SAMD12: variants seen among roughly 807,000 people sequenced by gnomAD.
SAMD12 encodes the protein sterile alpha motif domain containing 12.
A neutral mutation model predicts 15.0 loss-of-function variants in SAMD12; 9 were observed. The observed-to-expected ratio is 0.60, with a 90% CI of 0.36 to 1.05. SAMD12 has a LOEUF of 1.05. Ranked by LOEUF, SAMD12 falls within the 50% of genes least tolerant of loss-of-function variation. The pLI, the probability that SAMD12 is intolerant of heterozygous loss-of-function variation, is 0.01. For missense variants in SAMD12, 230 were observed against 234.2 expected, an observed-to-expected ratio of 0.98 and a Z score of 0.12; for synonymous variants, 86 against 90.1, an observed-to-expected ratio of 0.96 and a Z score of 0.25.
At chr8:118,550,392 G>T (rs1341688913) in intron 2 of SAMD12, among the ~76,000 whole-genome samples, 2 of 152,180 alleles carry the variant, frequency 1.3e-5, no homozygotes, top group African/African-American at 2.4e-5. Context: ...TTAAAGAAAA[G>T]AATTTGCAAC....
chr8:118,283,134 AT>A (rs906286562), intron 4 of SAMD12, among the ~76,000 whole-genome samples: 11 of 150,538 alleles, frequency 7.3e-5, no homozygotes, highest in African/African-American at 2.2e-4. Flanking sequence ...TATTTTTTTA[AT>A]TTTTTTTATT....
At chr8:118,375,425 G>A (rs1042097827), downstream of SAMD12, among the ~76,000 whole-genome samples, 1 of 152,092 alleles carries the variant, frequency 6.6e-6, no homozygotes, top group Non-Finnish European at 1.5e-5. Context: ...AGCCTTAAGT[G>A]GGTAAGTTGT....
downstream of SAMD12, among the ~76,000 whole-genome samples, chr8:118,186,459 T>G (rs1487559679): frequency 6.6e-6 from 1 of 151,950 alleles, no homozygotes. Flanking sequence ...CTATGTTTGT[T>G]AAAACATGAA....
intron 2 of SAMD12, among the ~76,000 whole-genome samples, chr8:118,525,323 C>T (rs1825503920): frequency 6.6e-6 from 1 of 152,172 alleles, no homozygotes; most frequent in Admixed American, 6.5e-5. Context: ...CCCCATACCC[C>T]ACCCCATACA....
At chr8:118,367,224 T>C (rs1269941125) in intron 4 of SAMD12, among the ~76,000 whole-genome samples, 1 of 152,158 alleles carries the variant, frequency 6.6e-6, no homozygotes, top group Non-Finnish European at 1.5e-5. Flanking sequence ...ACAGAAGTCC[T>C]AAAGCACACA....
At position 118,434,819 on chromosome 8, in the gene SAMD12, G is replaced by GCA. The variant is rs1586714122; in HGVS notation, c.322+5012_322+5013insTG. 2.1e-3 allele frequency among the ~76,000 whole-genome samples: 219 copies of GCA among 103,020 alleles called. 7 individuals carry two copies. Among genetic ancestry groups the GCA allele is most frequent in the South Asian group, 3.1e-3 (10 of 3,220 alleles). The allele number at this position is 103,020 out of a possible 152,430, so 67.6% of individuals were successfully genotyped here. ...CTTATTCTTTTTAAAGTGTGCTTCT[G>GCA]GCCGGGCGCGGTGGCTCACGCCTGT... is the stretch of plus-strand genomic sequence containing the variant. On this transcript the variant is annotated intron_variant, in intron 3 of 3. Transcript: ENST00000314727.
the SAMD12 span, among the ~76,000 whole-genome samples, chr8:118,171,681 G>C: frequency 1.3e-5 from 2 of 151,510 alleles, no homozygotes; most frequent in Non-Finnish European, 2.9e-5. Context: ...GGACTGGGAG[G>C]AGAGGAGGCT....
At chr8:118,507,644 A>G (rs75507563) in intron 2 of SAMD12, among the ~76,000 whole-genome samples, 3,586 of 152,272 alleles carry the variant, frequency 0.024, 114 homozygotes, top group African/African-American at 0.076. Context: ...AGACCCCAAA[A>G]CAAGTGAAAA....
At position 118,436,100 on chromosome 8, in the gene SAMD12, T is replaced by TG. The variant is rs1176440472; in HGVS notation, c.322+3731_322+3732insC. 1.1e-4 allele frequency among the ~76,000 whole-genome samples: 17 copies of TG among 152,094 alleles called. No homozygotes were observed. In the East Asian group the frequency reaches 2.1e-3, roughly 19 times the overall value. ...TCAAAGAATTAGATAACCCAAAATG[T>TG]TGTGCTATAGATGACCATGCATAGT... is the stretch of plus-strand genomic sequence containing the variant. On this transcript the variant is annotated intron_variant, in intron 3 of 3. Transcript: ENST00000314727.
intron 2 of SAMD12, among the ~76,000 whole-genome samples, chr8:118,531,853 T>C (rs767790917): frequency 9.2e-5 from 14 of 152,198 alleles, no homozygotes; most frequent in Non-Finnish European, 2.1e-4. Context: ...TTTCTAAATA[T>C]ACAATCATGT....
intron 2 of SAMD12, among the ~76,000 whole-genome samples, chr8:118,527,033 C>G (rs56924314): frequency 6.6e-6 from 1 of 152,148 alleles, no homozygotes; most frequent in Non-Finnish European, 1.5e-5. Flanking sequence ...ATCTGCCAGC[C>G]GAATACTCAT....
chr8:118,146,010 A>T, the SAMD12 span, among the ~76,000 whole-genome samples: 2 of 152,228 alleles, frequency 1.3e-5, no homozygotes, highest in African/African-American at 4.8e-5. Flanking sequence ...CATGGCTGCC[A>T]CATAGTGTGA....
rs58076997 is a variant in SAMD12 at position 118,302,078 on chromosome 8, G to GTTTTTTT, written c.433+77475_433+77481dup. 3.8e-3 allele frequency among the ~76,000 whole-genome samples: 281 copies of GTTTTTTT among 74,672 alleles called. 47 individuals are homozygous for GTTTTTTT. The highest frequency in any genetic ancestry group is 0.015 in the African/African-American group (219 of 14,284). The allele number at this position is 74,672 out of a possible 152,430, so 49.0% of individuals were successfully genotyped here. On this transcript the variant is annotated intron_variant, in intron 4 of 4. Transcript: ENST00000409003. Reference sequence around the variant, plus strand: ...ATTTTCTAGCGCCAGATCTTTGAGAGTTTTTTTTTTTTTTTTTTTTTTTTT... The same window carrying GTTTTTTT: ...ATTTTCTAGCGCCAGATCTTTGAGAGTTTTTTTTTTTTTTTTTTTTTTTTTTTTTTTT...
chr8:118,411,270 CT>C (rs1399489938), intron 3 of SAMD12, among the ~76,000 whole-genome samples: 2 of 152,090 alleles, frequency 1.3e-5, no homozygotes, highest in Non-Finnish European at 2.9e-5. Context: ...GCATTTACTC[CT>C]TGCTTAGTTC....
chr8:118,520,919 G>A (rs1222695310), intron 2 of SAMD12, among the ~76,000 whole-genome samples: 3 of 152,014 alleles, frequency 2.0e-5, no homozygotes, highest in South Asian at 4.2e-4. Context: ...ATTAGGACAA[G>A]GGTAAACCTA....
chr8:118,240,482 T>C (rs1362705242), intron 4 of SAMD12, among the ~76,000 whole-genome samples: 1 of 152,150 alleles, frequency 6.6e-6, no homozygotes, highest in Non-Finnish European at 1.5e-5. Context: ...GTTATGAGCT[T>C]TGTAACCTCG....
intron 2 of SAMD12, among the ~76,000 whole-genome samples, chr8:118,567,830 AG>A (rs1318164936): frequency 3.3e-5 from 5 of 152,244 alleles, no homozygotes; most frequent in Non-Finnish European, 7.3e-5. Context: ...TAGACATTGT[AG>A]GTGTGATTTA....
intron 4 of SAMD12, among the ~76,000 whole-genome samples, chr8:118,280,992 G>T (rs1813620407): frequency 6.6e-6 from 1 of 152,102 alleles, no homozygotes; most frequent in South Asian, 2.1e-4. Flanking sequence ...AGTCTTCGTA[G>T]AATCTTAAGT....
intron 4 of SAMD12, among the ~76,000 whole-genome samples, chr8:118,323,624 C>T (rs1816412622): frequency 6.6e-6 from 1 of 151,910 alleles, no homozygotes; most frequent in African/African-American, 2.4e-5. Context: ...TAAAAATTGG[C>T]TGGGTGTGGT....
Sources: allele counts gnomAD v4.1 joint callset (sites outside exome capture counted in the v4.1 genomes callset), GRCh38; gene constraint gnomAD v4.1.1; transcripts MANE v1.5; gene names NCBI Gene and HGNC (gene_info 2026-07-23, HGNC 2026-07-21).